The following KALRN variants were observed in gnomAD, a reference collection of about 807,000 sequenced individuals.
KALRN encodes the protein kalirin.
KALRN carries 70 observed loss-of-function variants against 353.7 expected under a neutral mutation model. That is an observed-to-expected ratio of 0.20 (90% CI 0.16 to 0.24). The LOEUF is 0.24. Ranked by LOEUF, KALRN falls within the 10% of genes least tolerant of loss-of-function variation. The probability of loss-of-function intolerance (pLI) is 1.00; values close to 1 mark genes in which losing one functional copy is unlikely to be tolerated. For missense variants in KALRN, 2,791 were observed against 3,756.7 expected, an observed-to-expected ratio of 0.74 and a Z score of 6.72; for synonymous variants, 1,391 against 1,434.8, an observed-to-expected ratio of 0.97 and a Z score of 0.69.
chr3:124,287,841 T>G (rs2076084836), intron 5 of KALRN, among the ~76,000 whole-genome samples: 1 of 123,084 alleles, frequency 8.1e-6, no homozygotes, highest in South Asian at 2.7e-4. Flanking sequence ...ATAATTTTTA[T>G]ATATTTAATT....
intron 1 of KALRN, among the ~76,000 whole-genome samples, chr3:124,154,861 T>C (rs915621978): frequency 6.6e-6 from 1 of 152,084 alleles, no homozygotes; most frequent in African/African-American, 2.4e-5. Flanking sequence ...CTTCAAACTA[T>C]ACTACAAGGC....
chr3:124,578,731 G>A (rs2074353736), intron 34 of KALRN, among the ~76,000 whole-genome samples: 1 of 126,394 alleles, frequency 7.9e-6, no homozygotes, highest in Non-Finnish European at 1.9e-5. Flanking sequence ...ATGTGCCCCT[G>A]CACTCCAGCC....
chr3:124,122,535 G>A (rs111437939), intron 1 of KALRN, among the ~76,000 whole-genome samples: 21 of 152,254 alleles, frequency 1.4e-4, no homozygotes, highest in South Asian at 2.1e-4. Context: ...TGCTCACTTC[G>A]TGTCTCTATG....
At chr3:124,300,014 A>G (rs1273935801) in intron 6 of KALRN, among the ~76,000 whole-genome samples, 9 of 152,196 alleles carry the variant, frequency 5.9e-5, no homozygotes, top group Non-Finnish European at 1.5e-5. Context: ...ACAGCTTATC[A>G]TTGTAGCTGG....
At chr3:124,168,515 G>T (rs2071228781) in intron 1 of KALRN, among the ~76,000 whole-genome samples, 1 of 152,172 alleles carries the variant, frequency 6.6e-6, no homozygotes. Flanking sequence ...CAGAATGCTG[G>T]TGAGAGTCAT....
At chr3:124,211,283 T>G (rs951659506) in intron 1 of KALRN, among the ~76,000 whole-genome samples, 1 of 152,236 alleles carries the variant, frequency 6.6e-6, no homozygotes, top group Non-Finnish European at 1.5e-5. Flanking sequence ...GGAATAGTGA[T>G]GCTAAGTTAC....
chr3:124,384,369 C>T (rs1399866990), intron 10 of KALRN, among the ~76,000 whole-genome samples: 1 of 152,138 alleles, frequency 6.6e-6, no homozygotes, highest in African/African-American at 2.4e-5. Context: ...AGCTCTGTTC[C>T]AAAAAGATAA....
At chr3:124,244,659 G>A (rs1421270885) in intron 3 of KALRN, among the ~76,000 whole-genome samples, 1 of 152,154 alleles carries the variant, frequency 6.6e-6, no homozygotes, top group African/African-American at 2.4e-5. Context: ...ATGTGTAATA[G>A]TGTGTCTTGG....
intron 1 of KALRN, among the ~76,000 whole-genome samples, chr3:124,053,427 G>C (rs570309268): frequency 4.6e-5 from 7 of 152,280 alleles, no homozygotes; most frequent in African/African-American, 1.7e-4. Context: ...TGAAGGAGAG[G>C]TGAAGTCTCA....
chr3:124,150,884 C>G (rs2068004590), intron 1 of KALRN, among the ~76,000 whole-genome samples: 1 of 152,180 alleles, frequency 6.6e-6, no homozygotes, highest in African/African-American at 2.4e-5. Context: ...CTCCTCCTCT[C>G]AAGGGTAATC....
intron 11 of KALRN, among the ~76,000 whole-genome samples, chr3:124,394,162 G>A (rs1405589236): frequency 2.0e-5 from 3 of 152,160 alleles, no homozygotes; most frequent in Admixed American, 1.3e-4. Flanking sequence ...CATGAGTAAC[G>A]GGAGGAACAG....
At chr3:124,337,980 G>C (rs904616706) in intron 9 of KALRN, among the ~76,000 whole-genome samples, 3 of 151,970 alleles carry the variant, frequency 2.0e-5, no homozygotes, top group Non-Finnish European at 2.9e-5. Context: ...ATCAGTGGTG[G>C]TATCCCCTTT....
intron 34 of KALRN, among the ~76,000 whole-genome samples, chr3:124,616,229 C>T (rs56107458): frequency 0.12 from 18,038 of 152,144 alleles, 1,107 homozygotes; most frequent in Middle Eastern, 0.18. Flanking sequence ...CTTTCCAGAG[C>T]CACCCTGCTT....
At chr3:124,642,806 G>GTTGTTTTTTGTTTTTTTTTT (rs796628603) in intron 37 of KALRN, among the ~76,000 whole-genome samples, 2 of 96,840 alleles carry the variant, frequency 2.1e-5, no homozygotes, top group African/African-American at 4.5e-5. Context: ...CCCAAGCCTC[G>GTTGTTTTTTGTTTTTTTTTT]TTTTTTTTTT....
At chr3:124,423,967 A>G (rs1038914925) in intron 15 of KALRN, among the ~76,000 whole-genome samples, 2 of 152,258 alleles carry the variant, frequency 1.3e-5, no homozygotes, top group Non-Finnish European at 2.9e-5. Flanking sequence ...GTGAAGAAGT[A>G]AAAGTATAAT....
chr3:124,719,970 CAG>C lies in KALRN; in HGVS notation c.*503_*504del, dbSNP rs2063320501. The C allele has an allele frequency of 6.5e-6, 1 of 153,452 alleles. No individual in the cohort carries two copies. 9.5% of individuals were successfully genotyped at this position (153,452 alleles called of 1,614,324 possible). ...AGTATAATATATCCCATTCAGGTTT[CAG>C]AGTTTTCTAATATAGAGATATATAT... On this transcript the variant is annotated 3_prime_UTR_variant, in exon 60 of 60. Coordinates refer to ENST00000682506, the MANE Select transcript of KALRN (RefSeq NM_001388419.1). The surrounding 1 kb of genome is among the most constrained non-coding windows in gnomAD (Gnocchi z 5.3).
In KALRN at chr3:124,562,886, G is replaced by A. The variant is rs2072238872; in HGVS notation, c.4979G>A (p.Ser1660Asn). Residue 1660 changes from serine to asparagine, a missense_variant, in exon 34 of 60, where the codon AGT (serine) becomes AAT (asparagine). Ser to Asn is a conservative substitution (Grantham distance 46). This residue lies in a region of KALRN where 239 missense variants were observed against 351.3 expected (regional missense o/e 0.68). Coordinates refer to ENST00000682506, the MANE Select transcript of KALRN (RefSeq NM_001388419.1). ...CELTVVLQDF[S>N]AGHSSELTIQ... The stretch of plus-strand genomic sequence containing the variant: ...CTGACAGTGGTCCTCCAGGACTTCA[G>A]TGCGGGCCACAGCAGTGAGCTGACC... 1 of 1,367,512 alleles carries A rather than the reference G, an allele frequency of 7.3e-7. No homozygotes were observed. Among genetic ancestry groups the A allele is most frequent in the African/African-American group, 1.5e-5 (1 of 67,736 alleles). 84.7% of individuals were successfully genotyped at this position (1,367,512 alleles called of 1,614,324 possible).
chr3:124,721,172 A>G lies in KALRN; in HGVS notation c.*1702A>G, dbSNP rs998676190. The G allele has an allele frequency of 6.6e-6, 1 of 152,196 alleles. No individual in the cohort carries two copies. Among genetic ancestry groups the G allele is most frequent in the African/African-American group, 2.4e-5 (1 of 41,442 alleles). 9.4% of individuals were successfully genotyped at this position (152,196 alleles called of 1,614,324 possible). On this transcript the variant is annotated 3_prime_UTR_variant, in exon 60 of 60. Transcript: ENST00000682506. ...CAGAGAAAATGTAAAATTAAAAATC[A>G]TCATCTTTTTTTTTCCATTGGTTTC...
chr3:124,427,625 A>C (rs1445626), intron 15 of KALRN, among the ~76,000 whole-genome samples: 80,943 of 152,060 alleles, frequency 0.53, 22,664 homozygotes, highest in East Asian at 0.78. Flanking sequence ...CTTTCCTGAC[A>C]TGAAGAAGCA....
Sources: gnomAD v4.1 joint callset for allele counts (sites outside exome capture counted in the v4.1 genomes callset) on GRCh38, gnomAD v4.1.1 for gene constraint, gnomAD v4.1.1 regional missense constraint, Gnocchi (gnomAD v3.1) non-coding constraint, MANE v1.5 for transcripts, NCBI Gene and HGNC (gene_info 2026-07-23, HGNC 2026-07-21) for gene names.